KCNC1: variants seen among roughly 807,000 people sequenced by gnomAD.
KCNC1 encodes the protein voltage-gated potassium channel KCNC1.
Under a neutral mutation model 43.4 loss-of-function variants are expected in KCNC1, and 8 were observed. The observed-to-expected ratio is 0.18, with a 90% CI of 0.11 to 0.33. The LOEUF is 0.33. KCNC1 is among the 10% of genes least tolerant of loss of function. The pLI, the probability that KCNC1 is intolerant of heterozygous loss-of-function variation, is 1.00. For synonymous variants in KCNC1, 361 were observed against 360.5 expected (o/e 1.00, Z -0.01); for missense variants, 420 against 836.0 (o/e 0.50, Z 6.14).
chr11:17,762,891 T>C, intron 1 of KCNC1, among the ~76,000 whole-genome samples: 1 of 152,190 alleles, frequency 6.6e-6, no homozygotes, highest in East Asian at 1.9e-4. Flanking sequence ...TCTGGTCTTC[T>C]AATGACCAGG....
rs775725087 is a variant in KCNC1, at chr11:17,779,578, T to C, written c.1627T>C (p.Tyr543His). 32 of 1,551,568 alleles carry C rather than the reference T, an allele frequency of 2.1e-5. No homozygotes were observed. The highest frequency in any genetic ancestry group is 2.6e-5 in the Non-Finnish European group (30 of 1,146,968). ...PFTRSGTRERYGPCFLLSTGE... is the reference protein window; with the variant it reads ...PFTRSGTRERHGPCFLLSTGE... ...TACGCGCTCGGGCACCCGCGAGAGA[T>C]ACGGACCCTGCTTCCTCTTATCAAC... Residue 543 changes from tyrosine to histidine, a missense_variant, in exon 3 of 4, where the codon TAC becomes CAC. This residue lies in a region of KCNC1 where 147 missense variants were observed against 176.1 expected (regional missense o/e 0.83). Coordinates refer to ENST00000265969, the MANE Select transcript of KCNC1 (RefSeq NM_001112741.2). This position sits in a 1 kb window ranked among gnomAD's most constrained non-coding sequence, Gnocchi z 7.2.
In KCNC1 at chr11:17,739,073, C is replaced by G. The variant is rs1590090337; in HGVS notation, c.570+2501C>G. Among the ~76,000 whole-genome samples the G allele has an allele frequency of 6.6e-6, 1 of 152,324 alleles. No individual in the cohort carries two copies. The highest frequency in any genetic ancestry group is 1.9e-4 in the East Asian group (1 of 5,168). On this transcript the variant is annotated intron_variant, in intron 1 of 3. Transcript: ENST00000265969. The surrounding 1 kb of genome is among the most constrained non-coding windows in gnomAD (Gnocchi z 4.2). ...TGCACTGCGCTGCCTCTCTGCGGCT[C>G]ATCTGCGCACAGACCAGCCGCCTGC...
intron 1 of KCNC1, among the ~76,000 whole-genome samples, chr11:17,741,620 T>C (rs1228182425): frequency 2.0e-5 from 3 of 152,086 alleles, no homozygotes; most frequent in African/African-American, 7.2e-5. Flanking sequence ...TCTTTTCAAC[T>C]CACGGGCCTG....
At chr11:17,763,191 T>TC (rs1368361480) in intron 1 of KCNC1, among the ~76,000 whole-genome samples, 1 of 151,974 alleles carries the variant, frequency 6.6e-6, no homozygotes, top group South Asian at 2.1e-4. Flanking sequence ...GCTCTGGCTC[T>TC]CCCCCTTCTC....
chr11:17,763,949 A>T (rs62644040), intron 1 of KCNC1, among the ~76,000 whole-genome samples: 1 of 110,770 alleles, frequency 9.0e-6, no homozygotes, highest in East Asian at 3.1e-4. Flanking sequence ...ACACACACAC[A>T]CCCACACACA....
At chr11:17,740,544 T>C (rs1036712258) in intron 1 of KCNC1, among the ~76,000 whole-genome samples, 3 of 152,120 alleles carry the variant, frequency 2.0e-5, no homozygotes, top group African/African-American at 7.2e-5. Flanking sequence ...GGTCTGAGGC[T>C]CTTGGCTTTA....
rs1849293053 is a variant in KCNC1 at position 17,776,761 on chromosome 11, T to A, written c.1505-2695T>A. ...TGGGGCAGGGGCGGGGGCTCACACCTTTGACCCTATTCATGGGTTCCCCAG... is the reference window on the plus strand; with the variant it reads ...TGGGGCAGGGGCGGGGGCTCACACCATTGACCCTATTCATGGGTTCCCCAG... On this transcript the variant is annotated intron_variant, in intron 2 of 3. Coordinates refer to ENST00000265969, the MANE Select transcript of KCNC1 (RefSeq NM_001112741.2). The surrounding 1 kb of genome is among the most constrained non-coding windows in gnomAD (Gnocchi z 4.4). The A allele has an allele frequency of 2.0e-6, 2 of 985,280 alleles. No homozygotes were observed. Among genetic ancestry groups the A allele is most frequent in the South Asian group, 9.4e-5 (2 of 21,294 alleles). 61.0% of individuals were successfully genotyped at this position (985,280 alleles called of 1,614,324 possible).
chr11:17,752,697 C>T (rs974656734), intron 1 of KCNC1, among the ~76,000 whole-genome samples: 13 of 152,298 alleles, frequency 8.5e-5, no homozygotes, highest in South Asian at 6.2e-4. Context: ...CCTCACTTCC[C>T]GGTTGTATGA....
chr11:17,743,695 A>G (rs1447824148), intron 1 of KCNC1, among the ~76,000 whole-genome samples: 1 of 152,096 alleles, frequency 6.6e-6, no homozygotes, highest in Non-Finnish European at 1.5e-5. Flanking sequence ...CTGCCCTGGA[A>G]CCCAGCCACA....
At chr11:17,741,523 G>T (rs894731629) in intron 1 of KCNC1, among the ~76,000 whole-genome samples, 1 of 151,926 alleles carries the variant, frequency 6.6e-6, no homozygotes, top group Admixed American at 6.6e-5. Context: ...TTCCCCTCAG[G>T]CTCACCTCCC....
Position 17,776,808 on chromosome 11 carries a change from T to C in KCNC1, c.1505-2648T>C. ...CCAGATTTATACAGTTGGCCCCTCG[T>C]TGGTTTCTCTTTCTTCAAGCCACCC... On this transcript the variant is annotated intron_variant, in intron 2 of 3. Transcript: ENST00000265969. This position sits in a 1 kb window ranked among gnomAD's most constrained non-coding sequence, Gnocchi z 4.4. 1.0e-6 allele frequency: 1 copy of C among 985,406 alleles called. No homozygotes were observed. Among genetic ancestry groups the C allele is most frequent in the Non-Finnish European group, 1.2e-6 (1 of 830,064 alleles). The allele number at this position is 985,406 out of a possible 1,614,324, so 61.0% of individuals were successfully genotyped here. A position where few individuals can be genotyped will look rare whatever the true frequency, so the allele number is the denominator to read the frequency against.
At chr11:17,768,383 A>G (rs1486665882) in intron 1 of KCNC1, among the ~76,000 whole-genome samples, 4 of 152,164 alleles carry the variant, frequency 2.6e-5, no homozygotes, top group Non-Finnish European at 4.4e-5. Flanking sequence ...TGTTGGGTGC[A>G]TGCAGGGAGA....
chr11:17,775,551 G>A, intron 2 of KCNC1: 3 of 985,498 alleles, frequency 3.0e-6, no homozygotes, highest in Non-Finnish European at 3.6e-6. Flanking sequence ...GGGCTGAGGG[G>A]CCCAGGAGAA....
At position 17,779,392 on chromosome 11, in the gene KCNC1, T is replaced by A; in HGVS notation, c.1505-64T>A. 1 of 1,333,906 alleles carries A rather than the reference T, an allele frequency of 7.5e-7. No individual in the cohort carries two copies. The highest frequency in any genetic ancestry group is 9.8e-7 in the Non-Finnish European group (1 of 1,016,202). 82.6% of individuals were successfully genotyped at this position (1,333,906 alleles called of 1,614,324 possible). A position where few individuals can be genotyped will look rare whatever the true frequency, so the allele number is the denominator to read the frequency against. On this transcript the variant is annotated intron_variant, in intron 2 of 3. Coordinates refer to ENST00000265969, the MANE Select transcript of KCNC1 (RefSeq NM_001112741.2). This position sits in a 1 kb window ranked among gnomAD's most constrained non-coding sequence, Gnocchi z 7.2. ...CTGCCAATACCCCGCTTCTGGCCTG[T>A]CCCCCCCTGCCCCCCACTAAACAGT... is the stretch of plus-strand genomic sequence containing the variant.
In KCNC1 at chr11:17,739,320, G is replaced by A. The variant is rs1848808666; in HGVS notation, c.570+2748G>A. ...TTTGTAAGAGAGATTGTGTGTGAGT[G>A]TGAGAGACTTGTGTGTGTGAGAATA... On this transcript the variant is annotated intron_variant, in intron 1 of 3. Coordinates refer to ENST00000265969, the MANE Select transcript of KCNC1 (RefSeq NM_001112741.2). This position sits in a 1 kb window ranked among gnomAD's most constrained non-coding sequence, Gnocchi z 4.2. Among the ~76,000 whole-genome samples the A allele has an allele frequency of 6.6e-6, 1 of 151,808 alleles. No homozygotes were observed. Among genetic ancestry groups the A allele is most frequent in the African/African-American group, 2.4e-5 (1 of 41,378 alleles).
chr11:17,770,611 AG>A (rs950882607), intron 1 of KCNC1, among the ~76,000 whole-genome samples: 3 of 152,110 alleles, frequency 2.0e-5, no homozygotes, highest in Admixed American at 1.3e-4. Context: ...AGAGAAGCCT[AG>A]GGGGTCATTA....
At chr11:17,775,165 C>T (rs1849270879) in intron 2 of KCNC1, 2 of 985,444 alleles carry the variant, frequency 2.0e-6, no homozygotes, top group Admixed American at 1.2e-4. Flanking sequence ...AAGGCCTTTC[C>T]AGTCTCACTG....
chr11:17,748,658 G>A (rs1029193296), intron 1 of KCNC1, among the ~76,000 whole-genome samples: 3 of 151,972 alleles, frequency 2.0e-5, no homozygotes, highest in African/African-American at 4.8e-5. Context: ...AGAAAGAGTC[G>A]AGCTACCCAG....
Position 17,779,803 on chromosome 11 carries a change from G to A in KCNC1, c.1693+159G>A. 1 of 536,394 alleles carries A rather than the reference G, an allele frequency of 1.9e-6. No homozygotes were observed. The allele number at this position is 536,394 out of a possible 1,614,324, so 33.2% of individuals were successfully genotyped here. On this transcript the variant is annotated intron_variant, in intron 3 of 3. Coordinates refer to ENST00000265969, the MANE Select transcript of KCNC1 (RefSeq NM_001112741.2). The surrounding 1 kb of genome is among the most constrained non-coding windows in gnomAD (Gnocchi z 7.2). Reference sequence around the variant, plus strand: ...TCCCAGGGTCGGCCCCTGGAGGGCTGAGGCCCTTCCCCCCAAGTGAGATGT... The same window carrying A: ...TCCCAGGGTCGGCCCCTGGAGGGCTAAGGCCCTTCCCCCCAAGTGAGATGT...
Sources: gnomAD v4.1 joint callset for allele counts (sites outside exome capture counted in the v4.1 genomes callset) on GRCh38, gnomAD v4.1.1 for gene constraint, gnomAD v4.1.1 regional missense constraint, Gnocchi (gnomAD v3.1) non-coding constraint, MANE v1.5 for transcripts, NCBI Gene and HGNC (gene_info 2026-07-23, HGNC 2026-07-21) for gene names.